The following ZFHX3 variants were observed in gnomAD, a reference collection of about 807,000 sequenced individuals.
The protein encoded by ZFHX3 is zinc finger homeobox protein 3.
A neutral mutation model predicts 279.1 loss-of-function variants in ZFHX3; 42 were observed. That is an observed-to-expected ratio of 0.15 (90% CI 0.12 to 0.19). The LOEUF is 0.19. Ranked by LOEUF, ZFHX3 falls within the 10% of genes least tolerant of loss-of-function variation. The pLI is 1.00. For missense variants in ZFHX3, 4,981 were observed against 4,754.0 expected (o/e 1.05, Z -1.40); for synonymous variants, 2,293 against 1,957.8 (o/e 1.17, Z -4.52).
intron 3 of ZFHX3, among the ~76,000 whole-genome samples, chr16:73,334,177 G>A (rs944971259): frequency 2.6e-5 from 4 of 152,146 alleles, no homozygotes; most frequent in African/African-American, 7.2e-5. Context: ...GGAGGACAGC[G>A]TTCTAGGAAA....
chr16:73,495,396 A>G (rs996631605), intron 2 of ZFHX3, among the ~76,000 whole-genome samples: 13 of 152,200 alleles, frequency 8.5e-5, no homozygotes, highest in African/African-American at 2.9e-4. Flanking sequence ...GATGCAAACG[A>G]AAGAAATTGG....
At chr16:73,257,784 G>C (rs2013701215) in intron 4 of ZFHX3, among the ~76,000 whole-genome samples, 1 of 152,218 alleles carries the variant, frequency 6.6e-6, no homozygotes, top group African/African-American at 2.4e-5. Flanking sequence ...TAGAAGAAAG[G>C]CCAAGGCCTA....
At chr16:73,709,754 A>G (rs979647301) in intron 1 of ZFHX3, among the ~76,000 whole-genome samples, 18 of 152,222 alleles carry the variant, frequency 1.2e-4, no homozygotes, top group Non-Finnish European at 1.9e-4. Flanking sequence ...AAAATTGCCA[A>G]AAGAGTCGAT....
intron 1 of ZFHX3, among the ~76,000 whole-genome samples, chr16:73,724,179 G>T (rs2053499026): frequency 6.6e-6 from 1 of 152,186 alleles, no homozygotes; most frequent in South Asian, 2.1e-4. Flanking sequence ...ATAATAAATA[G>T]TAATTCTGTC....
At chr16:72,906,226 C>T (rs1275488400) in intron 3 of ZFHX3, among the ~76,000 whole-genome samples, 7 of 151,942 alleles carry the variant, frequency 4.6e-5, no homozygotes, top group Admixed American at 6.6e-5. Flanking sequence ...CGTTTTAAAA[C>T]TTATTTTTAA....
At chr16:73,529,608 C>A (rs2019758061) in intron 2 of ZFHX3, among the ~76,000 whole-genome samples, 1 of 152,142 alleles carries the variant, frequency 6.6e-6, no homozygotes, top group Admixed American at 6.5e-5. Context: ...GCCCCTTGTC[C>A]AGGGGACAAA....
intron 5 of ZFHX3, among the ~76,000 whole-genome samples, chr16:72,823,256 G>A (rs1597278672): frequency 6.6e-6 from 1 of 152,212 alleles, no homozygotes; most frequent in East Asian, 1.9e-4. Context: ...TCCCTCACAT[G>A]CATCCTACTG....
chr16:73,389,105 T>C (rs2016959250), intron 3 of ZFHX3: 1 of 152,258 alleles, frequency 6.6e-6, no homozygotes. Context: ...CACTCACACA[T>C]ACGTGCGGTG....
chr16:72,826,379 CTAATCA>C (rs369573483), intron 5 of ZFHX3, among the ~76,000 whole-genome samples: 3 of 152,278 alleles, frequency 2.0e-5, no homozygotes, highest in Admixed American at 6.5e-5. Flanking sequence ...TGAACAGCCA[CTAATCA>C]ACATAACAGA....
intron 3 of ZFHX3, among the ~76,000 whole-genome samples, chr16:73,350,850 A>C (rs1483515725): frequency 1.3e-5 from 2 of 152,196 alleles, no homozygotes; most frequent in Non-Finnish European, 2.9e-5. Flanking sequence ...GGGAAGCAGC[A>C]TGTGCGCAAG....
intron 2 of ZFHX3, among the ~76,000 whole-genome samples, chr16:73,485,945 G>C (rs1166990187): frequency 2.6e-5 from 4 of 152,182 alleles, no homozygotes; most frequent in Non-Finnish European, 5.9e-5. Flanking sequence ...TTCCAAGGCT[G>C]TGAGCAACAG....
chr16:72,854,942 G>GGT (rs1597313781), intron 4 of ZFHX3, among the ~76,000 whole-genome samples: 1 of 115,338 alleles, frequency 8.7e-6, no homozygotes. Context: ...GGTGGGTGGG[G>GGT]GGGGGGTGTC....
intron 1 of ZFHX3, among the ~76,000 whole-genome samples, chr16:73,031,031 C>T (rs77478506): frequency 0.023 from 3,479 of 152,278 alleles, 64 homozygotes; most frequent in East Asian, 0.091. Flanking sequence ...GAATTCCTAG[C>T]CTTGGCTTCT....
chr16:73,882,494 C>T (rs573404272), intron 1 of ZFHX3, among the ~76,000 whole-genome samples: 10 of 151,856 alleles, frequency 6.6e-5, no homozygotes, highest in Non-Finnish European at 1.5e-4. Flanking sequence ...AGCTCTTTAA[C>T]CGCGGTTCTC....
intron 2 of ZFHX3, among the ~76,000 whole-genome samples, chr16:73,511,420 G>A (rs1391371684): frequency 1.3e-5 from 2 of 152,186 alleles, no homozygotes; most frequent in East Asian, 3.9e-4. Context: ...ACATGCAGTA[G>A]CATCCCAGTC....
At chr16:72,897,867 A>T (rs1197295838) in intron 3 of ZFHX3, among the ~76,000 whole-genome samples, 1 of 113,110 alleles carries the variant, frequency 8.8e-6, no homozygotes, top group Non-Finnish European at 2.4e-5. Flanking sequence ...AGCATGGAGG[A>T]AACAGGACCA....
In ZFHX3 at chr16:72,784,087, A is replaced by T. The variant is rs1344306931; in HGVS notation, c.*3077T>A. On this transcript the variant is annotated 3_prime_UTR_variant, in exon 10 of 10. Coordinates refer to ENST00000268489, the MANE Select transcript of ZFHX3 (RefSeq NM_006885.4). ...TAAGGGTGCAACCCACTCCAGGTTG[A>T]AACAATCACATAACCCCTCTGAGAA... 6.6e-6 allele frequency: 1 copy of T among 152,592 alleles called. No individual in the cohort carries two copies. Among genetic ancestry groups the T allele is most frequent in the Non-Finnish European group, 1.5e-5 (1 of 68,038 alleles). The allele number at this position is 152,592 out of a possible 1,614,324, so 9.5% of individuals were successfully genotyped here.
At chr16:73,125,244 G>C (rs902045092) in intron 7 of ZFHX3, 7 of 134,604 alleles carry the variant, frequency 5.2e-5, no homozygotes, top group Non-Finnish European at 7.6e-5. Context: ...GAATACTCAT[G>C]GAGGAGGTCT....
At chr16:73,198,341 CT>C (rs79436905) in intron 5 of ZFHX3, among the ~76,000 whole-genome samples, 4,436 of 130,066 alleles carry the variant, frequency 0.034, 116 homozygotes, top group African/African-American at 0.09. Context: ...ATGCTGGTAT[CT>C]TTTTTTTTTT....
Sources: allele counts gnomAD v4.1 joint callset (sites outside exome capture counted in the v4.1 genomes callset), GRCh38; gene constraint gnomAD v4.1.1; transcripts MANE v1.5; gene names NCBI Gene and HGNC (gene_info 2026-07-23, HGNC 2026-07-21).